SP4: variants seen among roughly 807,000 people sequenced by gnomAD.
SP4 encodes Sp4 transcription factor.
In SP4, 19 loss-of-function variants were observed where a neutral mutation model predicts 72.8. That is an observed-to-expected ratio of 0.26 (90% confidence interval 0.18 to 0.38). The LOEUF (loss-of-function observed/expected upper bound fraction) is 0.38. Among genes scored for constraint, SP4 ranks in the 10% least tolerant of loss-of-function variants. The pLI is 1.00. For missense variants in SP4, 1,008 were observed against 926.3 expected, an observed-to-expected ratio of 1.09 and a Z score of -1.14; for synonymous variants, 395 against 333.1, an observed-to-expected ratio of 1.19 and a Z score of -2.02.
intron 3 of SP4, among the ~76,000 whole-genome samples, chr7:21,434,540 T>G (rs1050440694): frequency 1.3e-5 from 2 of 152,242 alleles, no homozygotes; most frequent in Admixed American, 6.5e-5. Flanking sequence ...GAACTAAATA[T>G]GTGTATGCTC....
rs960009285 is a variant in SP4, at chr7:21,428,665, G to T, written c.8-12G>T. The T allele has an allele frequency of 1.3e-6, 2 of 1,537,744 alleles. No homozygotes were observed. Among genetic ancestry groups the T allele is most frequent in the Non-Finnish European group, 1.8e-6 (2 of 1,134,692 alleles). On this transcript the variant is annotated splice_polypyrimidine_tract_variant and intron_variant, in intron 1 of 5. Coordinates refer to ENST00000222584, the MANE Select transcript of SP4 (RefSeq NM_003112.5). ...TGTTGTCGTGTGTGTGTGGTGGGGG[G>T]GTTTGTTGCAGATCAGAAGAAGGAG...
At chr7:21,486,688 T>G (rs1784820912) in intron 5 of SP4, among the ~76,000 whole-genome samples, 1 of 152,186 alleles carries the variant, frequency 6.6e-6, no homozygotes, top group Non-Finnish European at 1.5e-5. Flanking sequence ...ATTGGTGATG[T>G]TAACCCTGAT....
At chr7:21,452,160 T>A (rs1431991677) in intron 3 of SP4, among the ~76,000 whole-genome samples, 1 of 152,204 alleles carries the variant, frequency 6.6e-6, no homozygotes, top group African/African-American at 2.4e-5. Context: ...GAAACATGAT[T>A]TTTCTCTTCA....
chr7:21,494,710 C>A (rs2128414506), intron 5 of SP4, among the ~76,000 whole-genome samples: 1 of 152,334 alleles, frequency 6.6e-6, no homozygotes, highest in Middle Eastern at 3.4e-3. Flanking sequence ...TCTCCCCAAA[C>A]ATATCTGCAG....
intron 4 of SP4, among the ~76,000 whole-genome samples, chr7:21,478,443 A>G (rs141275147): frequency 6.6e-6 from 1 of 152,314 alleles, no homozygotes; most frequent in Admixed American, 6.5e-5. Flanking sequence ...TGAGGAACTT[A>G]CCGACTGTTT....
chr7:21,428,379 G>C, intron 1 of SP4, 121 bp downstream of exon 1: 2 of 706,202 alleles, frequency 2.8e-6, no homozygotes, highest in Admixed American at 4.1e-5. Flanking sequence ...GGGAGGAGGA[G>C]AGGGCGGGAG....
Position 21,481,907 on chromosome 7 carries a change from GT to G in SP4, c.1908-12del. The G allele has an allele frequency of 1.3e-6, 2 of 1,592,610 alleles. No individual in the cohort carries two copies. The highest frequency in any genetic ancestry group is 2.2e-5 in the East Asian group (1 of 44,770). On this transcript the variant is annotated splice_polypyrimidine_tract_variant and intron_variant, in intron 4 of 5. Coordinates refer to ENST00000222584, the MANE Select transcript of SP4 (RefSeq NM_003112.5). ...TATTTGGCAGTGTAATTAATGTTCG[GT>G]TTTTGTTTTTGCTAGAGGCAGTAAT...
chr7:21,477,050 C>T (rs1000722393), intron 3 of SP4, 29 bp from the exon 4 acceptor site: 2 of 1,545,524 alleles, frequency 1.3e-6, no homozygotes, highest in South Asian at 1.1e-5. Context: ...GAAAACATTA[C>T]AATACTTCTT....
intron 5 of SP4, among the ~76,000 whole-genome samples, chr7:21,483,922 C>G (rs1389360766): frequency 6.6e-6 from 1 of 151,456 alleles, no homozygotes; most frequent in Non-Finnish European, 1.5e-5. Flanking sequence ...TAAACCTGTA[C>G]CAAGATACAT....
chr7:21,429,989 C>T lies in SP4; in HGVS notation c.824C>T (p.Ala275Val), dbSNP rs1258590890. ...TLALPVINNV[A>V]AGGGTGQVGQ... ...GCTTTGCCAGTGATAAACAACGTGG[C>T]TGCCGGAGGAGGGACTGGGCAGGTT... Residue 275 changes from alanine to valine, a missense_variant, in exon 3 of 6, where the codon GCT becomes GTT. By Grantham distance (64) the Ala-to-Val change is moderately conservative (BLOSUM62 0). Transcript: ENST00000222584. 6.2e-7 allele frequency: 1 copy of T among 1,614,200 alleles called. No individual in the cohort carries two copies. The highest frequency in any genetic ancestry group is 8.5e-7 in the Non-Finnish European group (1 of 1,180,028).
At chr7:21,461,229 G>A (rs993447956) in intron 3 of SP4, among the ~76,000 whole-genome samples, 2 of 152,138 alleles carry the variant, frequency 1.3e-5, no homozygotes, top group Admixed American at 1.3e-4. Context: ...CGATGGGACC[G>A]GGTGCCATGG....
chr7:21,453,153 A>G (rs901126332), intron 3 of SP4, among the ~76,000 whole-genome samples: 1 of 152,242 alleles, frequency 6.6e-6, no homozygotes, highest in African/African-American at 2.4e-5. Context: ...CAATGTTTTA[A>G]GCAAAAAGTC....
intron 3 of SP4, among the ~76,000 whole-genome samples, chr7:21,456,738 G>C (rs1783775771): frequency 6.6e-6 from 1 of 152,206 alleles, no homozygotes; most frequent in African/African-American, 2.4e-5. Context: ...ATCCTAGACA[G>C]CACACGGTCT....
At chr7:21,507,519 T>A (rs1341056841) in intron 5 of SP4, among the ~76,000 whole-genome samples, 1 of 152,102 alleles carries the variant, frequency 6.6e-6, no homozygotes, top group African/African-American at 2.4e-5. Flanking sequence ...GGTGAGGGAT[T>A]TTTACTAGGC....
chr7:21,469,555 T>G (rs970121002), intron 3 of SP4, among the ~76,000 whole-genome samples: 2 of 150,984 alleles, frequency 1.3e-5, no homozygotes, highest in Non-Finnish European at 3.0e-5. Context: ...TTTTTTTTTT[T>G]TTTTGAGACG....
chr7:21,480,959 G>C (rs1390298142), intron 4 of SP4, among the ~76,000 whole-genome samples: 2 of 152,180 alleles, frequency 1.3e-5, no homozygotes, highest in Admixed American at 6.5e-5. Context: ...CGGGGGTTGA[G>C]ACAGTGGCTT....
chr7:21,478,882 C>A (rs971690293), intron 4 of SP4, among the ~76,000 whole-genome samples: 2 of 151,946 alleles, frequency 1.3e-5, no homozygotes, highest in Non-Finnish European at 2.9e-5. Context: ...CCAGCCTGAC[C>A]GGCATGGAGA....
At chr7:21,495,303 A>G (rs778402415) in intron 5 of SP4, among the ~76,000 whole-genome samples, 17 of 152,266 alleles carry the variant, frequency 1.1e-4, no homozygotes, top group Middle Eastern at 3.4e-3. Context: ...CTCTTAACAG[A>G]TACAGATACA....
In SP4 at chr7:21,428,144, C is replaced by G. The variant is rs947472459; in HGVS notation, c.-108C>G. On this transcript the variant is annotated 5_prime_UTR_variant, in exon 1 of 6. Coordinates refer to ENST00000222584, the MANE Select transcript of SP4 (RefSeq NM_003112.5). ...GAGCCTGTGCCAGCTACAGCCTCCT[C>G]CGAGCCACCGCGGGCGGGCGGGACC... is the stretch of plus-strand genomic sequence containing the variant. 6.8e-6 allele frequency: 5 copies of G among 732,072 alleles called. No homozygotes were observed. The highest frequency in any genetic ancestry group is 1.7e-5 in the African/African-American group (1 of 57,660). 45.3% of individuals were successfully genotyped at this position (732,072 alleles called of 1,614,324 possible).
Sources: gnomAD v4.1 joint callset for allele counts (sites outside exome capture counted in the v4.1 genomes callset) on GRCh38, gnomAD v4.1.1 for gene constraint, MANE v1.5 for transcripts, NCBI Gene and HGNC (gene_info 2026-07-23, HGNC 2026-07-21) for gene names.